Variants in LOC128706666 observed in about 807,000 individuals in gnomAD.
the LOC128706666 span, among the ~76,000 whole-genome samples, chr20:10,415,138 T>C: frequency 6.6e-6 from 1 of 152,204 alleles, no homozygotes; most frequent in Non-Finnish European, 1.5e-5. Context: ...TCCTGACACA[T>C]TAATAATAAT....
the LOC128706666 span, among the ~76,000 whole-genome samples, chr20:10,432,789 CAA>C: frequency 1.1e-3 from 81 of 74,578 alleles, no homozygotes; most frequent in African/African-American, 2.2e-3. Flanking sequence ...GACTCTTTGT[CAA>C]AAAAAAAAAA....
At chr20:10,433,420 C>G in the LOC128706666 span, among the ~76,000 whole-genome samples, 64,346 of 152,166 alleles carry the variant, frequency 0.42, 14,389 homozygotes, top group Non-Finnish European at 0.49. Flanking sequence ...GTGCAAGTCC[C>G]TCTTGGTCAC....
chr20:10,420,207 T>C, the LOC128706666 span, among the ~76,000 whole-genome samples: 1 of 152,104 alleles, frequency 6.6e-6, no homozygotes, highest in African/African-American at 2.4e-5. Flanking sequence ...AAGAAAATAA[T>C]CTTGTATAAA....
the LOC128706666 span, among the ~76,000 whole-genome samples, chr20:10,427,967 G>A: frequency 3.3e-5 from 5 of 152,182 alleles, no homozygotes; most frequent in Admixed American, 6.5e-5. Context: ...TCAGAAGGCC[G>A]AAACAGGTAT....
the LOC128706666 span, among the ~76,000 whole-genome samples, chr20:10,426,791 G>C: frequency 6.6e-6 from 1 of 152,124 alleles, no homozygotes; most frequent in African/African-American, 2.4e-5. Flanking sequence ...TACAGTTCTG[G>C]AGGTAAGAAA....
At chr20:10,433,814 C>A in the LOC128706666 span, among the ~76,000 whole-genome samples, 1 of 152,126 alleles carries the variant, frequency 6.6e-6, no homozygotes, top group Non-Finnish European at 1.5e-5. Context: ...AAGGCGGCAG[C>A]GCAGGTGGGA....
At chr20:10,419,342 T>C in the LOC128706666 span, among the ~76,000 whole-genome samples, 4 of 152,132 alleles carry the variant, frequency 2.6e-5, no homozygotes, top group African/African-American at 9.7e-5. Context: ...ATAAATACAA[T>C]ATAGTGTATA....
the LOC128706666 span, among the ~76,000 whole-genome samples, chr20:10,430,297 CAACT>C: frequency 6.6e-6 from 1 of 152,194 alleles, no homozygotes; most frequent in South Asian, 2.1e-4. Context: ...TACCACTTTA[CAACT>C]GGCTGTGTGG....
the LOC128706666 span, among the ~76,000 whole-genome samples, chr20:10,431,438 G>C: frequency 6.6e-6 from 1 of 152,078 alleles, no homozygotes; most frequent in Non-Finnish European, 1.5e-5. Flanking sequence ...GAAGAGTAAG[G>C]CATGATTCTT....
chr20:10,416,511 A>G, the LOC128706666 span, among the ~76,000 whole-genome samples: 3 of 152,294 alleles, frequency 2.0e-5, no homozygotes, highest in South Asian at 2.1e-4. Context: ...ACAGATTAAT[A>G]TAACTGAAAT....
the LOC128706666 span, among the ~76,000 whole-genome samples, chr20:10,422,913 G>A: frequency 4.6e-5 from 7 of 151,820 alleles, no homozygotes; most frequent in Non-Finnish European, 1.0e-4. Flanking sequence ...GGGTTTCACC[G>A]TGTTAGCCAG....
chr20:10,422,880 T>A, the LOC128706666 span, among the ~76,000 whole-genome samples: 1 of 151,674 alleles, frequency 6.6e-6, no homozygotes, highest in Non-Finnish European at 1.5e-5. Context: ...CCTGGCTAAT[T>A]TTTTGTATTT....
the LOC128706666 span, among the ~76,000 whole-genome samples, chr20:10,432,599 C>A: frequency 6.6e-6 from 1 of 152,008 alleles, no homozygotes; most frequent in Non-Finnish European, 1.5e-5. Context: ...TCAAGACCAG[C>A]CTGGCCAACA....
chr20:10,430,117 G>A, the LOC128706666 span, among the ~76,000 whole-genome samples: 3 of 152,334 alleles, frequency 2.0e-5, no homozygotes, highest in Admixed American at 2.0e-4. Context: ...TGACTAGAGT[G>A]AAATCTAAAT....
chr20:10,427,045 C>G, the LOC128706666 span, among the ~76,000 whole-genome samples: 18 of 127,082 alleles, frequency 1.4e-4, no homozygotes, highest in African/African-American at 3.4e-4. Context: ...CACACACACA[C>G]ACACACACAC....
At chr20:10,417,328 T>C in the LOC128706666 span, among the ~76,000 whole-genome samples, 5 of 152,044 alleles carry the variant, frequency 3.3e-5, no homozygotes, top group Non-Finnish European at 7.4e-5. Context: ...TTAGCAACAC[T>C]GGCTAGACGC....
the LOC128706666 span, among the ~76,000 whole-genome samples, chr20:10,428,995 C>G: frequency 6.6e-6 from 1 of 152,154 alleles, no homozygotes; most frequent in Admixed American, 6.5e-5. Context: ...CTCTTAAGGG[C>G]CTTTCTCTTT....
chr20:10,426,759 T>A, the LOC128706666 span, among the ~76,000 whole-genome samples: 1 of 152,178 alleles, frequency 6.6e-6, no homozygotes, highest in South Asian at 2.1e-4. Context: ...TCATTTCACT[T>A]GTCCAAAATT....
At chr20:10,425,788 A>G in the LOC128706666 span, among the ~76,000 whole-genome samples, 79 of 149,872 alleles carry the variant, frequency 5.3e-4, no homozygotes, top group African/African-American at 1.9e-3. Context: ...GAGCAAAGCA[A>G]CAAGAGAAAT....
Sources: allele counts gnomAD v4.1 joint callset (sites outside exome capture counted in the v4.1 genomes callset), GRCh38; gene constraint gnomAD v4.1.1; transcripts MANE v1.5.